The following MECOM variants were observed in gnomAD, a reference collection of about 807,000 sequenced individuals.
The protein encoded by MECOM is MDS1 and EVI1 complex locus.
Under a neutral mutation model 116.3 loss-of-function variants are expected in MECOM, and 13 were observed. The observed-to-expected ratio is 0.11, with a 90% CI of 0.07 to 0.18. The LOEUF is 0.18. MECOM is among the 10% of genes least tolerant of loss of function. The pLI, the probability that MECOM is intolerant of heterozygous loss-of-function variation, is 1.00. For missense variants in MECOM, 1,299 were observed against 1,509.0 expected (o/e 0.86, Z 2.31); for synonymous variants, 528 against 535.2 (o/e 0.99, Z 0.19).
At chr3:169,464,566 A>G (rs16853800) in intron 1 of MECOM, among the ~76,000 whole-genome samples, 5,538 of 152,120 alleles carry the variant, frequency 0.036, 319 homozygotes, top group African/African-American at 0.13. Flanking sequence ...ACTGGATTTG[A>G]AAAAGCAAAT....
chr3:169,457,187 C>T (rs1746670298), intron 1 of MECOM, among the ~76,000 whole-genome samples: 1 of 152,154 alleles, frequency 6.6e-6, no homozygotes. Flanking sequence ...TCCAAGCACC[C>T]CTTCCCCGAG....
intron 1 of MECOM, among the ~76,000 whole-genome samples, chr3:169,548,895 C>T (rs1456917916): frequency 6.6e-6 from 1 of 151,824 alleles, no homozygotes; most frequent in Non-Finnish European, 1.5e-5. Context: ...AATGTGGTAA[C>T]TGATACCTAG....
At chr3:169,185,875 A>G (rs1746632775) in intron 2 of MECOM, among the ~76,000 whole-genome samples, 1 of 152,126 alleles carries the variant, frequency 6.6e-6, no homozygotes, top group Non-Finnish European at 1.5e-5. Context: ...CCACACTCAT[A>G]CTGAATTTAT....
chr3:169,396,430 C>G (rs1205718494), intron 1 of MECOM, among the ~76,000 whole-genome samples: 1 of 152,106 alleles, frequency 6.6e-6, no homozygotes, highest in African/African-American at 2.4e-5. Flanking sequence ...AAATATAAAT[C>G]AGATTTCAAA....
rs185895351 is a variant in MECOM, at chr3:169,160,930, T to C, written c.376-17098A>G. ...AAGGACAATATACAAGATAAAACAT[T>C]AGTGTGAATCCAGAGGACCTCAGTA... On this transcript the variant is annotated intron_variant, in intron 2 of 16. Coordinates refer to ENST00000651503, the MANE Select transcript of MECOM (RefSeq NM_004991.4). 5.4e-3 allele frequency among the ~76,000 whole-genome samples: 822 copies of C among 152,240 alleles called. 8 individuals carry two copies. Among genetic ancestry groups the C allele is most frequent in the African/African-American group, 0.019 (776 of 41,544 alleles).
intron 2 of MECOM, among the ~76,000 whole-genome samples, chr3:169,372,159 T>C (rs1730248222): frequency 6.6e-6 from 1 of 152,038 alleles, no homozygotes; most frequent in Non-Finnish European, 1.5e-5. Flanking sequence ...GTTCTATGTG[T>C]AAATGTATGT....
At chr3:169,486,642 A>C (rs1186535504) in intron 1 of MECOM, among the ~76,000 whole-genome samples, 1 of 152,156 alleles carries the variant, frequency 6.6e-6, no homozygotes, top group Non-Finnish European at 1.5e-5. Context: ...TCTGAGTTAA[A>C]AAAAGAAAAA....
intron 2 of MECOM, among the ~76,000 whole-genome samples, chr3:169,163,713 T>C (rs1374798069): frequency 2.0e-5 from 3 of 152,176 alleles, no homozygotes; most frequent in African/African-American, 7.2e-5. Flanking sequence ...GGCTACATTA[T>C]TTCAGACATA....
chr3:169,274,070 C>A (rs999052841), intron 2 of MECOM, among the ~76,000 whole-genome samples: 1 of 152,022 alleles, frequency 6.6e-6, no homozygotes, highest in African/African-American at 2.4e-5. Flanking sequence ...TGCCACCACG[C>A]CCAGCTAATT....
At chr3:169,119,748 A>G (rs938760584) in intron 7 of MECOM, among the ~76,000 whole-genome samples, 2 of 152,192 alleles carry the variant, frequency 1.3e-5, no homozygotes, top group Non-Finnish European at 2.9e-5. Flanking sequence ...CTTAAGAGTC[A>G]GGAATGCCTT....
Position 169,100,979 on chromosome 3 carries a change from T to A in MECOM, c.2772-17A>T, listed in dbSNP as rs1469801954. The A allele has an allele frequency of 6.3e-7, 1 of 1,595,006 alleles. No homozygotes were observed. The highest frequency in any genetic ancestry group is 8.6e-7 in the Non-Finnish European group (1 of 1,165,772). ...CCACAGTATCTGTTATGAAAAGATG[T>A]TTATAAGAGAAAGTCAGCACAGTTG... On this transcript the variant is annotated splice_polypyrimidine_tract_variant and intron_variant, in intron 11 of 16. Coordinates refer to ENST00000651503, the MANE Select transcript of MECOM (RefSeq NM_004991.4).
At chr3:169,089,854 A>G (rs542695398) in intron 15 of MECOM, 146 bp downstream of exon 15, 2 of 1,297,638 alleles carry the variant, frequency 1.5e-6, no homozygotes, top group South Asian at 3.4e-5. Flanking sequence ...ATTTTCATCT[A>G]TTTAAATCTG....
At chr3:169,372,173 T>C (rs947348400) in intron 2 of MECOM, among the ~76,000 whole-genome samples, 75 of 152,172 alleles carry the variant, frequency 4.9e-4, no homozygotes, top group African/African-American at 1.8e-3. Flanking sequence ...TGTATGTATG[T>C]TCGAAAGAAG....
chr3:169,222,782 C>T (rs1478496447), intron 2 of MECOM, among the ~76,000 whole-genome samples: 5 of 152,188 alleles, frequency 3.3e-5, no homozygotes, highest in Non-Finnish European at 5.9e-5. Flanking sequence ...TTCTTCTGGT[C>T]ATTTATCTCC....
At chr3:169,478,783 T>C (rs1416544142) in intron 1 of MECOM, among the ~76,000 whole-genome samples, 1 of 152,194 alleles carries the variant, frequency 6.6e-6, no homozygotes, top group African/African-American at 2.4e-5. Context: ...CTGGGGGTGT[T>C]CCTCTGTGAT....
At chr3:169,125,304 G>A (rs187083968) in intron 5 of MECOM, among the ~76,000 whole-genome samples, 92 of 152,110 alleles carry the variant, frequency 6.0e-4, no homozygotes, top group Non-Finnish European at 1.2e-3. Flanking sequence ...ATGAGTCAGG[G>A]ACATCCTCCA....
At chr3:169,192,162 A>G (rs1747791093) in intron 2 of MECOM, among the ~76,000 whole-genome samples, 3 of 152,066 alleles carry the variant, frequency 2.0e-5, no homozygotes, top group Admixed American at 2.0e-4. Flanking sequence ...CAACTTCTTC[A>G]CTAAGAACTC....
At chr3:169,551,531 A>G (rs1441182123) in intron 1 of MECOM, among the ~76,000 whole-genome samples, 2 of 152,244 alleles carry the variant, frequency 1.3e-5, no homozygotes, top group Non-Finnish European at 2.9e-5. Context: ...TTTTCTAGGA[A>G]TATTGGAATC....
At chr3:169,438,897 T>G (rs552003459) in intron 1 of MECOM, among the ~76,000 whole-genome samples, 4 of 152,218 alleles carry the variant, frequency 2.6e-5, no homozygotes, top group African/African-American at 9.6e-5. Flanking sequence ...TGAATCTAGG[T>G]TGGGTGCTGG....
Sources: allele counts gnomAD v4.1 joint callset (sites outside exome capture counted in the v4.1 genomes callset), GRCh38; gene constraint gnomAD v4.1.1; transcripts MANE v1.5; gene names NCBI Gene and HGNC (gene_info 2026-07-23, HGNC 2026-07-21).